Variants in PTPRK observed in about 807,000 individuals in gnomAD.
PTPRK encodes the protein protein tyrosine phosphatase receptor type K, also known as receptor-type tyrosine-protein phosphatase kappa.
PTPRK carries 75 observed loss-of-function variants against 178.0 expected under a neutral mutation model. That is an observed-to-expected ratio of 0.42 (90% confidence interval 0.35 to 0.51). PTPRK has a LOEUF of 0.51. Among genes scored for constraint, PTPRK ranks in the 20% least tolerant of loss-of-function variants. PTPRK has a pLI of 0.02. For synonymous variants in PTPRK, 637 were observed against 620.6 expected, an observed-to-expected ratio of 1.03 and a Z score of -0.39; for missense variants, 1,441 against 1,797.8, an observed-to-expected ratio of 0.80 and a Z score of 3.59.
chr6:128,184,504 G>C lies in PTPRK; in HGVS notation c.1090C>G (p.Leu364Val). 1 of 1,613,842 alleles carries C rather than the reference G, an allele frequency of 6.2e-7. No homozygotes were observed. Among genetic ancestry groups the C allele is most frequent in the Non-Finnish European group, 8.5e-7 (1 of 1,179,842 alleles). ...DPDTEYEIRVLLTRPGEGGTG... is the reference protein window; with the variant it reads ...DPDTEYEIRVVLTRPGEGGTG... ...CCACCTTCACCAGGTCTTGTAAGTAGAACTCGGATCTCATATTCGGTATCT... is the reference window on the plus strand; with the variant it reads ...CCACCTTCACCAGGTCTTGTAAGTACAACTCGGATCTCATATTCGGTATCT... The change falls in exon 7 of 30, where the codon CTA becomes GTA. Residue 364 changes from leucine (L) to valine (V), a missense_variant. Around this residue, in one of 4 missense-constraint regions of PTPRK, gnomAD observed 945 missense variants for 1,080.6 expected, o/e 0.87. Transcript: ENST00000368226.
At chr6:128,474,796 C>T (rs1179099124) in intron 1 of PTPRK, among the ~76,000 whole-genome samples, 2 of 152,054 alleles carry the variant, frequency 1.3e-5, no homozygotes, top group South Asian at 4.1e-4. Flanking sequence ...ATGGGTGTTG[C>T]GAATGCATTT....
chr6:128,105,271 C>A (rs1218579318), intron 7 of PTPRK, among the ~76,000 whole-genome samples: 1 of 151,990 alleles, frequency 6.6e-6, no homozygotes, highest in Non-Finnish European at 1.5e-5. Flanking sequence ...GTAGCTGGGA[C>A]TACAGGCGCC....
At chr6:128,023,963 C>T (rs911460104) in intron 13 of PTPRK, among the ~76,000 whole-genome samples, 2 of 152,096 alleles carry the variant, frequency 1.3e-5, no homozygotes, top group Non-Finnish European at 2.9e-5. Context: ...AGCCACCACA[C>T]CAGGCCAATC....
At chr6:128,315,819 AC>A (rs1039865903) in intron 3 of PTPRK, among the ~76,000 whole-genome samples, 4 of 152,172 alleles carry the variant, frequency 2.6e-5, no homozygotes, top group African/African-American at 7.2e-5. Context: ...TAGATAAAAA[AC>A]GTATTCGTTT....
rs1263504334 is a variant in PTPRK at position 128,520,247 on chromosome 6, C to T, written c.100+12G>A. 5 of 1,575,664 alleles carry T rather than the reference C, an allele frequency of 3.2e-6. No homozygotes were observed. Among genetic ancestry groups the T allele is most frequent in the Non-Finnish European group, 3.4e-6 (4 of 1,160,014 alleles). On this transcript the variant is annotated intron_variant, in intron 1 of 29. Coordinates refer to ENST00000368226, the MANE Select transcript of PTPRK (RefSeq NM_002844.4). ...TCCAGGCGTTCGTCGGGGACGCCCC[C>T]CGGCCACTCACCTGCGGAGAACTGG...
At position 128,428,784 on chromosome 6, in the gene PTPRK, C is replaced by T. The variant is rs189457425; in HGVS notation, c.101-31096G>A. Among the ~76,000 whole-genome samples the T allele has an allele frequency of 2.0e-5, 3 of 152,332 alleles. No individual in the cohort carries two copies. In the East Asian group the frequency reaches 5.8e-4, roughly 29 times the overall value. On this transcript the variant is annotated intron_variant, in intron 1 of 29. Coordinates refer to ENST00000368226, the MANE Select transcript of PTPRK (RefSeq NM_002844.4). The stretch of plus-strand genomic sequence containing the variant: ...TTAACAATGGTGCAAAGGTCATATA[C>T]ATTCAGTATTAACTGTCCTTAGAGT...
intron 1 of PTPRK, among the ~76,000 whole-genome samples, chr6:128,518,648 C>T (rs1325632523): frequency 6.6e-6 from 1 of 152,194 alleles, no homozygotes; most frequent in East Asian, 1.9e-4. Context: ...ACATCAAGCA[C>T]GGTTTCAATG....
intron 2 of PTPRK, among the ~76,000 whole-genome samples, chr6:128,368,402 C>T (rs1316027370): frequency 6.7e-6 from 1 of 150,170 alleles, no homozygotes; most frequent in East Asian, 1.9e-4. Flanking sequence ...AAAAAAAAAA[C>T]GTCAAAGTGC....
chr6:128,428,180 G>A lies in PTPRK; in HGVS notation c.101-30492C>T, dbSNP rs533089236. On this transcript the variant is annotated intron_variant, in intron 1 of 29. Transcript: ENST00000368226. ...TGAGAATCTGTGGACACTGTGAAAT[G>A]ACAAATCTGCTTCCTAAGAATTCAA... Among the ~76,000 whole-genome samples the A allele has an allele frequency of 3.3e-5, 5 of 152,280 alleles. No homozygotes were observed. The East Asian group carries it at 5.8e-4, about 18-fold the overall frequency.
intron 1 of PTPRK, among the ~76,000 whole-genome samples, chr6:128,477,469 A>C (rs1049840874): frequency 2.0e-5 from 3 of 152,040 alleles, no homozygotes; most frequent in Non-Finnish European, 4.4e-5. Context: ...AGTTACACTT[A>C]GTAACTAGCA....
intron 1 of PTPRK, among the ~76,000 whole-genome samples, chr6:128,446,916 T>C (rs1847105163): frequency 6.6e-6 from 1 of 152,202 alleles, no homozygotes; most frequent in South Asian, 2.1e-4. Flanking sequence ...GTAATACTTT[T>C]TCTTTTCAAA....
At chr6:128,478,232 T>C (rs1851621157) in intron 1 of PTPRK, among the ~76,000 whole-genome samples, 1 of 152,068 alleles carries the variant, frequency 6.6e-6, no homozygotes, top group Non-Finnish European at 1.5e-5. Flanking sequence ...TTACTTACAC[T>C]CTCCTTCCTA....
intron 11 of PTPRK, among the ~76,000 whole-genome samples, chr6:128,075,295 C>T (rs1376315535): frequency 6.6e-6 from 1 of 151,988 alleles, no homozygotes; most frequent in East Asian, 1.9e-4. Context: ...TAAAACTGCC[C>T]ATGGTAACTT....
chr6:128,112,328 GTACATATGA>G, intron 7 of PTPRK, among the ~76,000 whole-genome samples: 1 of 152,060 alleles, frequency 6.6e-6, no homozygotes, highest in South Asian at 2.1e-4. Flanking sequence ...TGCATGGCTA[GTACATATGA>G]TACAGTTTCT....
chr6:128,169,288 T>C (rs1006503209), intron 7 of PTPRK, among the ~76,000 whole-genome samples: 1 of 152,026 alleles, frequency 6.6e-6, no homozygotes, highest in Non-Finnish European at 1.5e-5. Context: ...TATTTCAGCA[T>C]CTACATGTAT....
intron 6 of PTPRK, among the ~76,000 whole-genome samples, chr6:128,206,827 C>G (rs561222792): frequency 6.6e-6 from 1 of 152,244 alleles, no homozygotes; most frequent in South Asian, 2.1e-4. Context: ...TGGGCTAGAT[C>G]ATTTATCATG....
chr6:128,472,728 A>G, intron 1 of PTPRK: 1 of 332,076 alleles, frequency 3.0e-6, no homozygotes, highest in South Asian at 2.6e-5. Flanking sequence ...ATTCTCTTAT[A>G]TAATCACAAT....
At chr6:128,274,416 C>T (rs1236034821) in intron 3 of PTPRK, among the ~76,000 whole-genome samples, 1 of 151,950 alleles carries the variant, frequency 6.6e-6, no homozygotes, top group African/African-American at 2.4e-5. Context: ...CTATTATGGG[C>T]CTATGAAGAC....
At chr6:128,220,961 T>C (rs76237659) in intron 5 of PTPRK, among the ~76,000 whole-genome samples, 1,587 of 152,322 alleles carry the variant, frequency 0.01, 19 homozygotes, top group African/African-American at 0.035. Flanking sequence ...ATCAGTGTGA[T>C]ATCAAAGTTC....
Sources: gnomAD v4.1 joint callset for allele counts (sites outside exome capture counted in the v4.1 genomes callset) on GRCh38, gnomAD v4.1.1 for gene constraint, gnomAD v4.1.1 regional missense constraint, MANE v1.5 for transcripts, NCBI Gene and HGNC (gene_info 2026-07-23, HGNC 2026-07-21) for gene names.